The following CCDC192 variants were observed in gnomAD, a reference collection of about 807,000 sequenced individuals.
CCDC192 encodes the protein coiled-coil domain-containing protein 192.
rs78561075 is a variant in CCDC192 at position 127,717,931 on chromosome 5, A to T, written c.114+10171A>T. On this transcript the variant is annotated intron_variant, in intron 2 of 6. Coordinates refer to ENST00000514853, the MANE Select transcript of CCDC192 (RefSeq NM_001317938.2). ...ATTATAGCAATATAAAGCTAGACAA[A>T]AAAAAAAAAAAAAAGAAAACAAGAA... Among the ~76,000 whole-genome samples the T allele has an allele frequency of 2.8e-3, 372 of 133,006 alleles. 2 individuals carry two copies. Among genetic ancestry groups the T allele is most frequent in the African/African-American group, 0.01 (355 of 34,212 alleles). 87.3% of individuals were successfully genotyped at this position (133,006 alleles called of 152,430 possible).
chr5:127,871,120 T>A (rs1052119812), intron 5 of CCDC192, among the ~76,000 whole-genome samples: 4 of 152,066 alleles, frequency 2.6e-5, no homozygotes, highest in Non-Finnish European at 5.9e-5. Flanking sequence ...TGCCTTGGAG[T>A]GCTCCTCACA....
intron 2 of CCDC192, among the ~76,000 whole-genome samples, chr5:127,730,045 G>A (rs536900658): frequency 2.0e-5 from 3 of 151,966 alleles, no homozygotes; most frequent in Non-Finnish European, 4.4e-5. Flanking sequence ...AGAAGATAGA[G>A]ACACAAAAAA....
intron 5 of CCDC192, among the ~76,000 whole-genome samples, chr5:127,847,261 C>G (rs1480331374): frequency 6.6e-6 from 1 of 152,196 alleles, no homozygotes; most frequent in African/African-American, 2.4e-5. Context: ...TCCTTGCCTC[C>G]TAGCCATCTG....
intron 2 of CCDC192, among the ~76,000 whole-genome samples, chr5:127,719,372 A>T (rs1751826005): frequency 6.6e-6 from 1 of 150,604 alleles, no homozygotes; most frequent in African/African-American, 2.4e-5. Flanking sequence ...GAGTGCATGT[A>T]TCTCTTCAAT....
At position 127,878,485 on chromosome 5, in the gene CCDC192, T is replaced by C. The variant is rs373082829; in HGVS notation, c.535+2824T>C. ...GGAATATCTCATTACTGGAAAGGAGTGATAGGCAAAACCAATATCTCCTAG... is the reference window on the plus strand; with the variant it reads ...GGAATATCTCATTACTGGAAAGGAGCGATAGGCAAAACCAATATCTCCTAG... On this transcript the variant is annotated intron_variant, in intron 6 of 6. Coordinates refer to ENST00000514853, the MANE Select transcript of CCDC192 (RefSeq NM_001317938.2). 2.0e-4 allele frequency among the ~76,000 whole-genome samples: 30 copies of C among 152,128 alleles called. No homozygotes were observed. In the South Asian group the frequency reaches 5.0e-3, roughly 25 times the overall value.
chr5:127,877,142 A>C (rs1366591577), intron 6 of CCDC192, among the ~76,000 whole-genome samples: 1 of 152,158 alleles, frequency 6.6e-6, no homozygotes, highest in East Asian at 1.9e-4. Context: ...ACCCGGTGCA[A>C]AAATATATAT....
intron 2 of CCDC192, among the ~76,000 whole-genome samples, chr5:127,747,300 C>T (rs1753829360): frequency 6.6e-6 from 1 of 151,634 alleles, no homozygotes; most frequent in African/African-American, 2.4e-5. Context: ...TGTTCCCCTT[C>T]CTGTGTCCAT....
intron 5 of CCDC192, among the ~76,000 whole-genome samples, chr5:127,832,178 C>A (rs528158103): frequency 6.6e-6 from 1 of 152,204 alleles, no homozygotes; most frequent in East Asian, 1.9e-4. Flanking sequence ...TTCAGGAAAG[C>A]AGAAATTAGT....
At chr5:127,800,982 C>T (rs746990048) in intron 5 of CCDC192, among the ~76,000 whole-genome samples, 10 of 152,112 alleles carry the variant, frequency 6.6e-5, no homozygotes, top group Non-Finnish European at 1.2e-4. Flanking sequence ...CCCACAACCC[C>T]ACTCCCCGTT....
upstream of CCDC192, chr5:127,703,314 C>T (rs1374102426): frequency 5.0e-6 from 2 of 396,522 alleles, no homozygotes; most frequent in Non-Finnish European, 8.9e-6. Flanking sequence ...AGTTAACTGT[C>T]TTTTCCACAT....
intron 3 of CCDC192, among the ~76,000 whole-genome samples, chr5:127,778,645 G>T (rs1033729109): frequency 3.3e-5 from 5 of 152,182 alleles, no homozygotes; most frequent in Non-Finnish European, 7.4e-5. Context: ...TCTGTATTTT[G>T]GAGGGGCTTG....
At chr5:127,922,567 C>T (rs1190768813) in intron 6 of CCDC192, among the ~76,000 whole-genome samples, 1 of 152,178 alleles carries the variant, frequency 6.6e-6, no homozygotes, top group East Asian at 1.9e-4. Context: ...GGCAAAACCC[C>T]ATCTCTACAT....
At chr5:127,709,424 A>G (rs926066923) in intron 2 of CCDC192, among the ~76,000 whole-genome samples, 1 of 152,162 alleles carries the variant, frequency 6.6e-6, no homozygotes, top group Non-Finnish European at 1.5e-5. Context: ...TCAACATGAG[A>G]TTTGGACAGG....
At chr5:127,847,900 G>A (rs1056734797) in intron 5 of CCDC192, among the ~76,000 whole-genome samples, 3 of 151,790 alleles carry the variant, frequency 2.0e-5, no homozygotes, top group Non-Finnish European at 2.9e-5. Context: ...GGATTCAAGC[G>A]ATTCTACTGC....
chr5:127,898,113 T>G (rs1242422466), intron 6 of CCDC192, among the ~76,000 whole-genome samples: 1 of 141,432 alleles, frequency 7.1e-6, no homozygotes, highest in Non-Finnish European at 1.5e-5. Context: ...TATGGTCCAG[T>G]TTTTTTTTTT....
intron 6 of CCDC192, among the ~76,000 whole-genome samples, chr5:127,912,094 T>A (rs1169034708): frequency 6.6e-6 from 1 of 151,622 alleles, no homozygotes; most frequent in East Asian, 1.9e-4. Context: ...GCTAATTTTT[T>A]TTTTTTTTTG....
At chr5:127,755,416 A>G (rs547086071) in intron 3 of CCDC192, among the ~76,000 whole-genome samples, 2 of 152,164 alleles carry the variant, frequency 1.3e-5, no homozygotes, top group African/African-American at 4.8e-5. Flanking sequence ...CAGCTTACCA[A>G]AAAAGGTGCA....
At chr5:127,859,043 C>A (rs1751242569) in intron 5 of CCDC192, among the ~76,000 whole-genome samples, 1 of 152,264 alleles carries the variant, frequency 6.6e-6, no homozygotes, top group Non-Finnish European at 1.5e-5. Context: ...ACAAACACTG[C>A]CAATGTCCTC....
intron 5 of CCDC192, among the ~76,000 whole-genome samples, chr5:127,800,003 G>A (rs1016718081): frequency 2.6e-5 from 4 of 151,996 alleles, no homozygotes; most frequent in African/African-American, 7.2e-5. Flanking sequence ...AACCCAGCAA[G>A]GTAGTCATTA....
Sources: gnomAD v4.1 joint callset for allele counts (sites outside exome capture counted in the v4.1 genomes callset) on GRCh38, gnomAD v4.1.1 for gene constraint, MANE v1.5 for transcripts, NCBI Gene and HGNC (gene_info 2026-07-23, HGNC 2026-07-21) for gene names.